The following TTPAL variants were observed in gnomAD, a reference collection of about 807,000 sequenced individuals.
The protein encoded by TTPAL is alpha tocopherol transfer protein like.
In TTPAL, 21 loss-of-function variants were observed where a neutral mutation model predicts 28.7. The ratio of observed to expected loss-of-function variants is 0.73; its 90% CI spans 0.52 to 1.06. The LOEUF is 1.06. TTPAL is among the 50% of genes least tolerant of loss of function. The pLI is 0.00. For missense variants in TTPAL, 345 were observed against 425.5 expected (o/e 0.81, Z 1.67); for synonymous variants, 169 against 171.9 (o/e 0.98, Z 0.13).
chr20:44,479,827 T>TG (rs2064084633), intron 1 of TTPAL, 158 bp from the exon 2 acceptor site: 1 of 662,338 alleles, frequency 1.5e-6, no homozygotes. Flanking sequence ...GGGTCAGACT[T>TG]GCGTGTATGG....
At chr20:44,479,459 C>T (rs957702946) in intron 1 of TTPAL, among the ~76,000 whole-genome samples, 9 of 131,564 alleles carry the variant, frequency 6.8e-5, no homozygotes, top group Non-Finnish European at 1.2e-4. Flanking sequence ...AGTGCAGCAG[C>T]GCCATCTCGG....
At chr20:44,488,887 C>T (rs544484091) in intron 4 of TTPAL, among the ~76,000 whole-genome samples, 19 of 152,176 alleles carry the variant, frequency 1.2e-4, no homozygotes, top group East Asian at 1.2e-3. Context: ...CATAGAGGCA[C>T]GACTGTGATC....
At chr20:44,486,507 T>C (rs1422312608) in intron 3 of TTPAL, 89 bp from the exon 4 acceptor site, 2 of 803,502 alleles carry the variant, frequency 2.5e-6, no homozygotes, top group East Asian at 2.5e-5. Flanking sequence ...CAGACTGATG[T>C]TGGGGCTGAA....
At chr20:44,488,776 C>T (rs772496978) in intron 4 of TTPAL, among the ~76,000 whole-genome samples, 8 of 152,048 alleles carry the variant, frequency 5.3e-5, no homozygotes, top group Non-Finnish European at 1.0e-4. Flanking sequence ...GCAGCTGGGT[C>T]AAGACTGGAG....
At position 44,480,350 on chromosome 20, in the gene TTPAL, G is replaced by A. The variant is rs2064092085; in HGVS notation, c.351G>A (p.Lys117=). ...GGCCCGAAGTCTTCAATAACTTGAA[G>A]CCATCAGCCTTAAAAGATGTCCTTG... The part of the protein sequence containing the change: ...RSWPEVFNNL[K]PSALKDVLAS... Residue 117 remains lysine, a synonymous_variant, in exon 2 of 5, where the codon AAG becomes AAA. Transcript: ENST00000262605. The surrounding 1 kb of genome is among the most constrained non-coding windows in gnomAD (Gnocchi z 4.1). 5.0e-6 allele frequency: 8 copies of A among 1,614,038 alleles called. No homozygotes were observed. In the South Asian group the frequency reaches 8.8e-5, roughly 18 times the overall value.
Position 44,491,843 on chromosome 20 carries a change from G to A in TTPAL, c.*2302G>A, listed in dbSNP as rs1389137032. On this transcript the variant is annotated 3_prime_UTR_variant, in exon 5 of 5. Transcript: ENST00000262605. ...AACAAAACAAAAACTGGGTAAAGAG[G>A]AATGAATCACTCAGCCCTGATGTTT... 1 of 152,406 alleles carries A rather than the reference G, an allele frequency of 6.6e-6. No homozygotes were observed. Among genetic ancestry groups the A allele is most frequent in the African/African-American group, 2.4e-5 (1 of 41,454 alleles). The allele number at this position is 152,406 out of a possible 1,614,324, so 9.4% of individuals were successfully genotyped here.
intron 2 of TTPAL, among the ~76,000 whole-genome samples, chr20:44,483,828 C>T (rs772278990): frequency 6.6e-6 from 1 of 152,030 alleles, no homozygotes; most frequent in Non-Finnish European, 1.5e-5. Flanking sequence ...GAGACAGGGT[C>T]TCACCCTGTC....
At chr20:44,488,492 A>G (rs1265412752) in intron 4 of TTPAL, among the ~76,000 whole-genome samples, 1 of 152,184 alleles carries the variant, frequency 6.6e-6, no homozygotes, top group Non-Finnish European at 1.5e-5. Flanking sequence ...CCCCTAGGAA[A>G]ATTATATTCT....
intron 2 of TTPAL, among the ~76,000 whole-genome samples, chr20:44,482,316 G>A (rs1321972788): frequency 6.6e-6 from 1 of 152,134 alleles, no homozygotes; most frequent in Admixed American, 6.5e-5. Flanking sequence ...GAGAGGCTAA[G>A]GCAGGTGGAT....
chr20:44,479,845 C>A, intron 1 of TTPAL, 140 bp from the exon 2 acceptor site: 1 of 720,568 alleles, frequency 1.4e-6, no homozygotes, highest in Non-Finnish European at 2.3e-6. Flanking sequence ...TGGTTTAGAT[C>A]CAGTTCATTG....
chr20:44,486,970 A>G (rs2064157608), intron 4 of TTPAL, among the ~76,000 whole-genome samples: 1 of 152,190 alleles, frequency 6.6e-6, no homozygotes, highest in African/African-American at 2.4e-5. Flanking sequence ...ACTCATCTCT[A>G]AAAAAATTTT....
chr20:44,484,425 C>A lies in TTPAL; in HGVS notation c.534C>A (p.Thr178=). The stretch of plus-strand genomic sequence containing the variant: ...AAAAACTCATTCAGTCTGAAGAAAC[C>A]CAGGTGAATGGAATTGTAATTCTTG... ...TLEKLIQSEE[T]QVNGIVILAD... is the part of the protein sequence containing the mutation. The change falls in exon 3 of 5, where the codon ACC becomes ACA. Residue 178 remains threonine, a synonymous_variant. Transcript: ENST00000262605. 2 of 1,607,340 alleles carry A rather than the reference C, an allele frequency of 1.2e-6. No individual in the cohort carries two copies. Among genetic ancestry groups the A allele is most frequent in the Non-Finnish European group, 1.7e-6 (2 of 1,174,410 alleles).
In TTPAL at chr20:44,480,301, A is replaced by T. The variant is rs79781066; in HGVS notation, c.302A>T (p.Asn101Ile). Reference protein sequence around the residue: ...DYDRALQLLVNYHSCRRSWPE... With the variant: ...DYDRALQLLVIYHSCRRSWPE... ...GACCGGGCCCTGCAGCTCCTCGTCA[A>T]CTACCACAGCTGTAGAAGAAGCTGG... Residue 101 changes from asparagine to isoleucine, a missense_variant, in exon 2 of 5, where the codon AAC (asparagine) becomes ATC (isoleucine). Asn to Ile is a moderately radical substitution (Grantham distance 149, BLOSUM62 -3). Transcript: ENST00000262605. The surrounding 1 kb of genome is among the most constrained non-coding windows in gnomAD (Gnocchi z 4.1). 1 of 1,614,198 alleles carries T rather than the reference A, an allele frequency of 6.2e-7. No homozygotes were observed. Among genetic ancestry groups the T allele is most frequent in the Non-Finnish European group, 8.5e-7 (1 of 1,180,032 alleles).
At position 44,484,473 on chromosome 20, in the gene TTPAL, A is replaced by C. The variant is rs748890218; in HGVS notation, c.582A>C (p.Leu194Phe). 1.1e-5 allele frequency: 18 copies of C among 1,596,420 alleles called. No individual in the cohort carries two copies. The highest frequency in any genetic ancestry group is 1.5e-5 in the Non-Finnish European group (18 of 1,165,420). Residue 194 changes from leucine to phenylalanine, a missense_variant, in exon 3 of 5, where the codon TTA becomes TTC. Physicochemically the swap from Leu to Phe is conservative, Grantham distance 22. Coordinates refer to ENST00000262605, the MANE Select transcript of TTPAL (RefSeq NM_001039199.3). ...VILADYKGVS[L>F]SKASHFGPFI... Reference sequence around the variant, plus strand: ...TTGCAGACTACAAAGGAGTGAGTTTATCAAAAGCATCTCACTTTGGCCCTT... The same window carrying C: ...TTGCAGACTACAAAGGAGTGAGTTTCTCAAAAGCATCTCACTTTGGCCCTT...
intron 3 of TTPAL, chr20:44,486,104 TG>T: frequency 6.6e-6 from 1 of 152,100 alleles, no homozygotes; most frequent in East Asian, 1.9e-4. Flanking sequence ...TTTTTTGAGA[TG>T]GAGTCCAGGC....
intron 4 of TTPAL, among the ~76,000 whole-genome samples, chr20:44,487,457 A>C (rs2064162730): frequency 6.6e-6 from 1 of 152,126 alleles, no homozygotes; most frequent in African/African-American, 2.4e-5. Context: ...ACTGTCTCTA[A>C]AATAAATTTT....
At chr20:44,488,733 T>C (rs2064175581) in intron 4 of TTPAL, among the ~76,000 whole-genome samples, 1 of 152,160 alleles carries the variant, frequency 6.6e-6, no homozygotes, top group South Asian at 2.1e-4. Flanking sequence ...CGTGGGAGCC[T>C]GTCCGGCATG....
intron 2 of TTPAL, among the ~76,000 whole-genome samples, chr20:44,481,784 C>A (rs1480565432): frequency 2.0e-5 from 3 of 152,216 alleles, no homozygotes; most frequent in Non-Finnish European, 4.4e-5. Flanking sequence ...ACCAAGACCA[C>A]TGTTAATGGC....
chr20:44,489,033 G>A lies in TTPAL; in HGVS notation c.751-230G>A, dbSNP rs115220284. On this transcript the variant is annotated intron_variant, in intron 4 of 4. Coordinates refer to ENST00000262605, the MANE Select transcript of TTPAL (RefSeq NM_001039199.3). ...TAATTGAATAGTGTGGTGGTGAGGCGGCTGGATCCTGGATATATTCTGAAG... is the reference window on the plus strand; with the variant it reads ...TAATTGAATAGTGTGGTGGTGAGGCAGCTGGATCCTGGATATATTCTGAAG... Among the ~76,000 whole-genome samples, 1,064 of 152,286 alleles carry A rather than the reference G, an allele frequency of 7.0e-3. 19 individuals are homozygous for A. The highest frequency in any genetic ancestry group is 0.024 in the African/African-American group (1,008 of 41,538).
Sources: allele counts gnomAD v4.1 joint callset (sites outside exome capture counted in the v4.1 genomes callset), GRCh38; gene constraint gnomAD v4.1.1; non-coding constraint Gnocchi (gnomAD v3.1); transcripts MANE v1.5; gene names NCBI Gene and HGNC (gene_info 2026-07-23, HGNC 2026-07-21).